The following DCLK2 variants were observed in gnomAD, a reference collection of about 807,000 sequenced individuals.
The protein encoded by DCLK2 is serine/threonine-protein kinase DCLK2.
Under a neutral mutation model 78.4 loss-of-function variants are expected in DCLK2, and 31 were observed. The observed-to-expected ratio is 0.40, with a 90% confidence interval of 0.30 to 0.53. The LOEUF (loss-of-function observed/expected upper bound fraction) is 0.53, where lower values mean the gene tolerates loss of function less well. Ranked by LOEUF, DCLK2 falls within the 20% of genes least tolerant of loss-of-function variation. The pLI is 0.61. For synonymous variants in DCLK2, 407 were observed against 374.9 expected (o/e 1.09, Z -0.99); for missense variants, 872 against 973.7 (o/e 0.90, Z 1.39).
chr4:150,150,254 A>G (rs1422913646), intron 2 of DCLK2, among the ~76,000 whole-genome samples: 1 of 152,228 alleles, frequency 6.6e-6, no homozygotes, highest in Non-Finnish European at 1.5e-5. Context: ...GTACCTTGAC[A>G]GAGCATTGGA....
At chr4:150,191,749 G>C (rs1455164491) in intron 2 of DCLK2, among the ~76,000 whole-genome samples, 2 of 152,040 alleles carry the variant, frequency 1.3e-5, no homozygotes, top group African/African-American at 4.8e-5. Flanking sequence ...TCAACTTCTT[G>C]GCATTGCAAA....
In DCLK2 at chr4:150,079,350, G is replaced by T; in HGVS notation, c.323G>T (p.Arg108Leu). The T allele has an allele frequency of 6.3e-7, 1 of 1,587,410 alleles. No individual in the cohort carries two copies. Among genetic ancestry groups the T allele is most frequent in the Non-Finnish European group, 8.6e-7 (1 of 1,166,956 alleles). ...GATGCGCTCCTCATAGAGCTCACCC[G>T]CTCCCTGTCGGACAACGTGAACCTG... ...SFDALLIELT[R>L]SLSDNVNLPQ... Residue 108 changes from arginine (R) to leucine (L), a missense_variant, in exon 1 of 16, where the codon CGC becomes CTC. Arg to Leu is a moderately radical substitution (Grantham distance 102). Coordinates refer to ENST00000296550, the MANE Select transcript of DCLK2 (RefSeq NM_001040260.4).
rs887560472 is a variant in DCLK2 at position 150,125,616 on chromosome 4, G to A, written c.756+22804G>A. ...AATAGTTATGCATGTGTGGCCAGGC[G>A]CGGTGGCTCACTCTTGTAGTCCGAG... On this transcript the variant is annotated intron_variant, in intron 2 of 15. Coordinates refer to ENST00000296550, the MANE Select transcript of DCLK2 (RefSeq NM_001040260.4). Among the ~76,000 whole-genome samples the A allele has an allele frequency of 5.3e-5, 8 of 152,180 alleles. 1 individual carries two copies. The South Asian group carries it at 1.0e-3, about 20-fold the overall frequency.
chr4:150,148,379 G>A (rs1466694742), intron 2 of DCLK2, among the ~76,000 whole-genome samples: 1 of 129,498 alleles, frequency 7.7e-6, no homozygotes, highest in African/African-American at 2.9e-5. Context: ...GAAAATTCAT[G>A]TCTTTTTTTT....
intron 2 of DCLK2, among the ~76,000 whole-genome samples, chr4:150,146,954 A>G (rs1481949248): frequency 6.6e-6 from 1 of 151,844 alleles, no homozygotes; most frequent in Non-Finnish European, 1.5e-5. Flanking sequence ...GATGTATACC[A>G]TGGCTACCTG....
intron 2 of DCLK2, among the ~76,000 whole-genome samples, chr4:150,148,039 G>T (rs1734607884): frequency 6.6e-6 from 1 of 152,168 alleles, no homozygotes; most frequent in African/African-American, 2.4e-5. Context: ...ATTGGTAAAT[G>T]AAAAGTCTTC....
intron 7 of DCLK2, among the ~76,000 whole-genome samples, chr4:150,223,371 GTGT>G (rs1172230842): frequency 6.6e-6 from 1 of 152,182 alleles, no homozygotes; most frequent in Non-Finnish European, 1.5e-5. Context: ...GAGTACTGTG[GTGT>G]TCTTTATTGA....
chr4:150,092,984 A>G (rs956753154), intron 1 of DCLK2, among the ~76,000 whole-genome samples: 1 of 152,196 alleles, frequency 6.6e-6, no homozygotes, highest in Admixed American at 6.5e-5. Context: ...TAAATCAGAA[A>G]GGAAGAAGCA....
At chr4:150,134,603 A>G (rs907682611) in intron 2 of DCLK2, among the ~76,000 whole-genome samples, 1 of 152,132 alleles carries the variant, frequency 6.6e-6, no homozygotes, top group Non-Finnish European at 1.5e-5. Flanking sequence ...TCTTTGGTCT[A>G]AGTTGCTTAT....
chr4:150,106,815 A>G (rs755785477), intron 2 of DCLK2, among the ~76,000 whole-genome samples: 3 of 152,214 alleles, frequency 2.0e-5, no homozygotes, highest in Non-Finnish European at 2.9e-5. Flanking sequence ...AAATGGGTGA[A>G]CACATCTTGC....
chr4:150,156,980 G>C (rs764301448), intron 2 of DCLK2, among the ~76,000 whole-genome samples: 187 of 151,426 alleles, frequency 1.2e-3, no homozygotes, highest in Non-Finnish European at 9.3e-4. Context: ...ATGTTACCCA[G>C]GCAGATCTCG....
At chr4:150,147,065 C>G (rs894907860) in intron 2 of DCLK2, among the ~76,000 whole-genome samples, 4 of 151,996 alleles carry the variant, frequency 2.6e-5, no homozygotes, top group Non-Finnish European at 5.9e-5. Context: ...AGGAGGATTG[C>G]TTAAGCCCAG....
intron 2 of DCLK2, among the ~76,000 whole-genome samples, chr4:150,173,818 C>T (rs1736731586): frequency 6.6e-6 from 1 of 152,148 alleles, no homozygotes; most frequent in East Asian, 1.9e-4. Flanking sequence ...AGAGCCAAGC[C>T]AATTCAAACA....
At chr4:150,168,610 T>C (rs1337760051) in intron 2 of DCLK2, among the ~76,000 whole-genome samples, 1 of 152,222 alleles carries the variant, frequency 6.6e-6, no homozygotes, top group African/African-American at 2.4e-5. Flanking sequence ...TTTGGTGCTC[T>C]GTGACTTGGA....
chr4:150,211,876 T>C (rs1740346614), intron 5 of DCLK2, among the ~76,000 whole-genome samples: 1 of 152,172 alleles, frequency 6.6e-6, no homozygotes, highest in Admixed American at 6.5e-5. Flanking sequence ...CTGATAACTT[T>C]TCCCATAGGA....
At chr4:150,198,148 A>G (rs777033935) in intron 4 of DCLK2, 45 bp downstream of exon 4, 10 of 1,511,572 alleles carry the variant, frequency 6.6e-6, no homozygotes, top group Non-Finnish European at 9.0e-6. Context: ...GGAACAGATC[A>G]TTTTCCTTCT....
chr4:150,214,969 AAAAG>A (rs1441396845), intron 5 of DCLK2, among the ~76,000 whole-genome samples: 69 of 145,998 alleles, frequency 4.7e-4, no homozygotes, highest in Non-Finnish European at 6.8e-4. Context: ...AAAAAAAAAA[AAAAG>A]AAAGAAAATG....
At chr4:150,253,888 G>C (rs1744368488) in intron 15 of DCLK2, 1 of 985,456 alleles carries the variant, frequency 1.0e-6, no homozygotes, top group Non-Finnish European at 1.2e-6. Context: ...CTTCGTGAAG[G>C]CTTTTGTTCT....
At chr4:150,207,800 A>G (rs538838867) in intron 5 of DCLK2, among the ~76,000 whole-genome samples, 71 of 152,316 alleles carry the variant, frequency 4.7e-4, no homozygotes, top group African/African-American at 1.6e-3. Context: ...TAAAGAAAAA[A>G]CACTAATTAT....
Sources: allele counts gnomAD v4.1 joint callset (sites outside exome capture counted in the v4.1 genomes callset), GRCh38; gene constraint gnomAD v4.1.1; transcripts MANE v1.5; gene names NCBI Gene and HGNC (gene_info 2026-07-23, HGNC 2026-07-21).